CA10: variants seen among roughly 807,000 people sequenced by gnomAD.
CA10 encodes carbonic anhydrase 10 (inactive), also known as carbonic anhydrase-related protein 10.
CA10 carries 14 observed loss-of-function variants against 44.2 expected under a neutral mutation model. That is an observed-to-expected ratio of 0.32 (90% CI 0.21 to 0.50). The LOEUF is 0.50. CA10 is among the 20% of genes least tolerant of loss of function. CA10 has a pLI of 0.99. For synonymous variants in CA10, 159 were observed against 141.6 expected, an observed-to-expected ratio of 1.12 and a Z score of -0.87; for missense variants, 350 against 409.7, an observed-to-expected ratio of 0.85 and a Z score of 1.26.
chr17:51,847,979 C>T (rs1026696896), intron 3 of CA10, among the ~76,000 whole-genome samples: 8 of 152,140 alleles, frequency 5.3e-5, no homozygotes, highest in African/African-American at 1.9e-4. Flanking sequence ...TATAATCTGA[C>T]ATCAAGGAAT....
chr17:51,945,492 C>T (rs4141124), intron 2 of CA10, among the ~76,000 whole-genome samples: 20,663 of 152,070 alleles, frequency 0.14, 1,792 homozygotes, highest in South Asian at 0.32. Context: ...ACAGAAAACT[C>T]CAGGGGGCTG....
chr17:51,648,069 TG>T (rs1173613301), intron 6 of CA10, among the ~76,000 whole-genome samples: 21 of 152,326 alleles, frequency 1.4e-4, no homozygotes, highest in African/African-American at 4.1e-4. Flanking sequence ...GTGCCTGTCA[TG>T]GGGCAGGCAT....
At chr17:51,648,752 G>T (rs1474590439) in intron 6 of CA10, among the ~76,000 whole-genome samples, 2 of 152,182 alleles carry the variant, frequency 1.3e-5, no homozygotes, top group Non-Finnish European at 2.9e-5. Context: ...TGCCTGGAAA[G>T]GAGACCCAGC....
Position 52,157,605 on chromosome 17 carries a change from C to A in CA10, c.61+121G>T, listed in dbSNP as rs1425626901. ...TTTGATTCTGAAGGCGGCAAACCCG[C>A]AGAACTCAAAGGGTCTCGCCACCCC... On this transcript the variant is annotated intron_variant, in intron 1 of 8. Transcript: ENST00000451037. The A allele has an allele frequency of 1.2e-5, 10 of 861,582 alleles. No individual in the cohort carries two copies. In the African/African-American group the frequency reaches 1.7e-4, roughly 15 times the overall value. The allele number at this position is 861,582 out of a possible 1,614,324, so 53.4% of individuals were successfully genotyped here.
intron 2 of CA10, among the ~76,000 whole-genome samples, chr17:51,941,224 G>T (rs1356293331): frequency 6.6e-6 from 1 of 152,102 alleles, no homozygotes; most frequent in African/African-American, 2.4e-5. Context: ...GAATTAAGAT[G>T]AATTAAGCTG....
At chr17:52,095,090 G>C (rs1414194169) in intron 1 of CA10, among the ~76,000 whole-genome samples, 1 of 152,096 alleles carries the variant, frequency 6.6e-6, no homozygotes, top group Non-Finnish European at 1.5e-5. Flanking sequence ...CACCAGAACA[G>C]AGAAACACAT....
chr17:51,697,345 T>C (rs530699573), intron 4 of CA10, among the ~76,000 whole-genome samples: 3 of 152,332 alleles, frequency 2.0e-5, no homozygotes, highest in South Asian at 4.1e-4. Context: ...CTTAGTTTCT[T>C]AGTCATTCCT....
chr17:52,076,391 G>T (rs943963379), intron 1 of CA10, among the ~76,000 whole-genome samples: 8 of 152,188 alleles, frequency 5.3e-5, no homozygotes, highest in Admixed American at 2.0e-4. Context: ...AACTATGTAA[G>T]ATTTTAGCAG....
chr17:51,637,692 T>C (rs928074019), intron 6 of CA10, among the ~76,000 whole-genome samples: 2 of 152,184 alleles, frequency 1.3e-5, no homozygotes, highest in Admixed American at 6.5e-5. Context: ...GTCAGGCAGA[T>C]AGTAACATCC....
chr17:52,014,923 GAAT>G (rs1173004786), intron 2 of CA10, among the ~76,000 whole-genome samples: 1 of 151,996 alleles, frequency 6.6e-6, no homozygotes, highest in Non-Finnish European at 1.5e-5. Context: ...GAAAATGGAT[GAAT>G]AATTGTGGTA....
chr17:51,811,088 C>T (rs914963367), intron 3 of CA10, among the ~76,000 whole-genome samples: 3 of 151,056 alleles, frequency 2.0e-5, no homozygotes, highest in Admixed American at 6.6e-5. Context: ...CCCAGCTAGT[C>T]GGGAGGCTGA....
chr17:51,896,606 T>C (rs996626612), intron 3 of CA10, among the ~76,000 whole-genome samples: 2 of 152,148 alleles, frequency 1.3e-5, no homozygotes, highest in African/African-American at 2.4e-5. Context: ...TACCCAACAA[T>C]GGGATTGCTG....
intron 2 of CA10, among the ~76,000 whole-genome samples, chr17:52,022,704 C>G (rs531602148): frequency 6.6e-6 from 1 of 152,044 alleles, no homozygotes; most frequent in Non-Finnish European, 1.5e-5. Flanking sequence ...TATATCTAGA[C>G]AACCCTAAAG....
intron 1 of CA10, among the ~76,000 whole-genome samples, chr17:52,141,330 G>C (rs182638919): frequency 1.7e-4 from 26 of 152,222 alleles, no homozygotes; most frequent in East Asian, 5.8e-4. Context: ...AAATGGCCAA[G>C]GTATCCACAA....
At chr17:51,977,303 A>T (rs938443053) in intron 2 of CA10, among the ~76,000 whole-genome samples, 2 of 151,980 alleles carry the variant, frequency 1.3e-5, no homozygotes, top group African/African-American at 4.8e-5. Flanking sequence ...ATATTAGTAA[A>T]CAAAACCCAA....
chr17:51,816,917 C>G lies in CA10; in HGVS notation c.280-69099G>C, dbSNP rs1455381158. On this transcript the variant is annotated intron_variant, in intron 3 of 8. Transcript: ENST00000451037. ...GGATGACTGCATGGAGCAGAGTCCT[C>G]CCTTCCACCAAAGTCCTGTCATCCC... Among the ~76,000 whole-genome samples, 4 of 152,140 alleles carry G rather than the reference C, an allele frequency of 2.6e-5. No individual in the cohort carries two copies. The East Asian group carries it at 7.7e-4, about 29-fold the overall frequency.
At chr17:51,663,325 C>CA (rs11422988) in intron 4 of CA10, among the ~76,000 whole-genome samples, 152,084 of 152,084 alleles carry the variant, frequency 1, 76,042 homozygotes, top group Non-Finnish European at 1. Context: ...GAGCCTCCTG[C>CA]ACGACGTCTA....
At chr17:52,009,203 T>C (rs577787125) in intron 2 of CA10, among the ~76,000 whole-genome samples, 2 of 151,934 alleles carry the variant, frequency 1.3e-5, no homozygotes, top group African/African-American at 2.4e-5. Context: ...TTTTTTAACG[T>C]GTCTCTTTTA....
chr17:51,855,358 T>C (rs1017730727), intron 3 of CA10, among the ~76,000 whole-genome samples: 12 of 152,286 alleles, frequency 7.9e-5, no homozygotes, highest in South Asian at 2.1e-4. Context: ...ATAGCAAGAT[T>C]GTAATATGCA....
Sources: gnomAD v4.1 joint callset for allele counts (sites outside exome capture counted in the v4.1 genomes callset) on GRCh38, gnomAD v4.1.1 for gene constraint, MANE v1.5 for transcripts, NCBI Gene and HGNC (gene_info 2026-07-23, HGNC 2026-07-21) for gene names.